The following DLG2 variants were observed in gnomAD, a reference collection of about 807,000 sequenced individuals.
DLG2 encodes the protein disks large homolog 2.
A neutral mutation model predicts 132.5 loss-of-function variants in DLG2; 45 were observed. The observed-to-expected ratio is 0.34, with a 90% CI of 0.27 to 0.44. The LOEUF (loss-of-function observed/expected upper bound fraction) is 0.44, where lower values mean the gene tolerates loss of function less well. DLG2 is among the 20% of genes least tolerant of loss of function. DLG2 has a pLI of 1.00. For synonymous variants in DLG2, 424 were observed against 419.6 expected, an observed-to-expected ratio of 1.01 and a Z score of -0.13; for missense variants, 1,045 against 1,196.9, an observed-to-expected ratio of 0.87 and a Z score of 1.87.
intron 7 of DLG2, among the ~76,000 whole-genome samples, chr11:84,442,812 ATATAAACTCAC>A (rs2099021547): frequency 6.6e-6 from 1 of 152,176 alleles, no homozygotes; most frequent in Non-Finnish European, 1.5e-5. Context: ...TATTTATATG[ATATAAACTCAC>A]TAATAAATAT....
At chr11:84,262,073 AT>A (rs2154358049) in intron 7 of DLG2, among the ~76,000 whole-genome samples, 1 of 152,290 alleles carries the variant, frequency 6.6e-6, no homozygotes, top group African/African-American at 2.4e-5. Flanking sequence ...ATTCTTCCCT[AT>A]TCCTCATTGC....
At chr11:84,887,500 A>G (rs954873904) in intron 6 of DLG2, 1 of 152,104 alleles carries the variant, frequency 6.6e-6, no homozygotes, top group Non-Finnish European at 1.5e-5. Flanking sequence ...ACATGCCACA[A>G]TTAGTTATAT....
rs549944668 is a variant in DLG2 at position 84,584,096 on chromosome 11, G to C, written c.358-49365C>G. Among the ~76,000 whole-genome samples the C allele has an allele frequency of 2.0e-5, 3 of 152,136 alleles. No individual in the cohort carries two copies. The East Asian group carries it at 5.8e-4, about 29-fold the overall frequency. The stretch of plus-strand genomic sequence containing the variant: ...TAAAATTGCTAAGTCATAATGTTCA[G>C]CTTTATAAAATAATGTCAGTTTGTT... On this transcript the variant is annotated intron_variant, in intron 6 of 27. Transcript: ENST00000376104.
intron 3 of DLG2, among the ~76,000 whole-genome samples, chr11:85,310,675 G>A (rs2080259092): frequency 6.6e-6 from 1 of 152,186 alleles, no homozygotes; most frequent in Admixed American, 6.5e-5. Context: ...ACTAGATGGG[G>A]AACTGTAATT....
At chr11:85,429,323 A>C (rs181247780) in intron 3 of DLG2, among the ~76,000 whole-genome samples, 2 of 152,290 alleles carry the variant, frequency 1.3e-5, no homozygotes, top group East Asian at 3.9e-4. Flanking sequence ...ACACAACAAA[A>C]AAAGAAAATT....
At chr11:85,396,544 AT>A (rs2152955507) in intron 3 of DLG2, among the ~76,000 whole-genome samples, 1 of 152,310 alleles carries the variant, frequency 6.6e-6, no homozygotes, top group African/African-American at 2.4e-5. Flanking sequence ...AGGTTAGACG[AT>A]TGGCTAACTA....
At chr11:84,133,766 C>A (rs540764631) in intron 9 of DLG2, among the ~76,000 whole-genome samples, 29 of 152,074 alleles carry the variant, frequency 1.9e-4, no homozygotes, top group African/African-American at 7.0e-4. Flanking sequence ...TAGATGTACA[C>A]CCCTATGCCC....
chr11:85,607,917 G>A (rs2080703261), intron 2 of DLG2, among the ~76,000 whole-genome samples: 1 of 152,170 alleles, frequency 6.6e-6, no homozygotes, highest in Admixed American at 6.5e-5. Flanking sequence ...ACTAACAGAA[G>A]AATGCTTAGG....
intron 18 of DLG2, among the ~76,000 whole-genome samples, chr11:83,709,308 T>C (rs1475593344): frequency 6.7e-6 from 1 of 148,276 alleles, no homozygotes; most frequent in East Asian, 1.9e-4. Flanking sequence ...CATATACGTA[T>C]ATATGTATAA....
chr11:85,108,465 A>G (rs2072168002), intron 6 of DLG2, among the ~76,000 whole-genome samples: 1 of 152,078 alleles, frequency 6.6e-6, no homozygotes, highest in African/African-American at 2.4e-5. Flanking sequence ...GAGAGATTAT[A>G]AAATGAATAT....
chr11:84,855,939 T>C (rs1004628651), intron 6 of DLG2, among the ~76,000 whole-genome samples: 10 of 152,034 alleles, frequency 6.6e-5, no homozygotes, highest in Admixed American at 2.6e-4. Context: ...GAACAGAGGC[T>C]AGCGATCATC....
intron 6 of DLG2, among the ~76,000 whole-genome samples, chr11:84,875,673 G>C (rs1403211488): frequency 6.6e-6 from 1 of 152,052 alleles, no homozygotes. Context: ...CATTGTTGCT[G>C]TCATATAAGA....
At chr11:84,201,580 C>T (rs1597308912) in intron 8 of DLG2, among the ~76,000 whole-genome samples, 1 of 131,760 alleles carries the variant, frequency 7.6e-6, no homozygotes. Flanking sequence ...TGGTTCTGGG[C>T]TTTTTTTTTT....
At chr11:85,070,123 A>G (rs2065604719) in intron 6 of DLG2, among the ~76,000 whole-genome samples, 1 of 151,904 alleles carries the variant, frequency 6.6e-6, no homozygotes, top group African/African-American at 2.4e-5. Flanking sequence ...TGGACACAGG[A>G]AGGGGAACAT....
At chr11:83,522,926 T>TA (rs889346037) in intron 21 of DLG2, among the ~76,000 whole-genome samples, 1 of 151,998 alleles carries the variant, frequency 6.6e-6, no homozygotes, top group Non-Finnish European at 1.5e-5. Context: ...TATTATTTTT[T>TA]AAAAAAACCT....
In DLG2 at chr11:84,287,715, C is replaced by T. The variant is rs939089336; in HGVS notation, c.520-36424G>A. Among the ~76,000 whole-genome samples the T allele has an allele frequency of 2.0e-5, 3 of 148,560 alleles. No individual in the cohort carries two copies. The East Asian group carries it at 5.9e-4, about 29-fold the overall frequency. On this transcript the variant is annotated intron_variant, in intron 7 of 27. Coordinates refer to ENST00000376104, the MANE Select transcript of DLG2 (RefSeq NM_001142699.3). ...TCCTTACTTCTACCTCTCTCCTTCT[C>T]TCCCTCCATATTTTTCTCTCTCTTA...
chr11:84,145,598 T>G (rs1295772287), intron 9 of DLG2, among the ~76,000 whole-genome samples: 1 of 152,148 alleles, frequency 6.6e-6, no homozygotes, highest in Non-Finnish European at 1.5e-5. Context: ...CAGGGCCATG[T>G]CAAAGATGGG....
intron 3 of DLG2, among the ~76,000 whole-genome samples, chr11:85,499,068 A>G (rs986724360): frequency 6.6e-6 from 1 of 152,042 alleles, no homozygotes; most frequent in African/African-American, 2.4e-5. Flanking sequence ...CAAATTCAAA[A>G]GCTAGCAGAA....
intron 15 of DLG2, among the ~76,000 whole-genome samples, chr11:83,883,069 A>G (rs2066753418): frequency 6.6e-6 from 1 of 152,178 alleles, no homozygotes; most frequent in Non-Finnish European, 1.5e-5. Context: ...AGCATGCTTG[A>G]TTTCTTAATT....
Sources: gnomAD v4.1 joint callset for allele counts (sites outside exome capture counted in the v4.1 genomes callset) on GRCh38, gnomAD v4.1.1 for gene constraint, MANE v1.5 for transcripts, NCBI Gene and HGNC (gene_info 2026-07-23, HGNC 2026-07-21) for gene names.